MYLK: variants seen among roughly 807,000 people sequenced by gnomAD.
MYLK encodes the protein myosin light chain kinase, also known as myosin light chain kinase, smooth muscle.
MYLK carries 106 observed loss-of-function variants against 203.4 expected under a neutral mutation model. The observed-to-expected ratio is 0.52, with a 90% CI of 0.45 to 0.61. The LOEUF (loss-of-function observed/expected upper bound fraction) is 0.61. Among genes scored for constraint, MYLK ranks in the 20% least tolerant of loss-of-function variants. MYLK has a pLI of 0.00. For missense variants in MYLK, 2,072 were observed against 2,442.3 expected (o/e 0.85, Z 3.20); for synonymous variants, 867 against 959.5 (o/e 0.90, Z 1.78).
chr3:123,857,338 A>T (rs2031489183), intron 2 of MYLK, among the ~76,000 whole-genome samples: 1 of 152,088 alleles, frequency 6.6e-6, no homozygotes, highest in African/African-American at 2.4e-5. Context: ...CTATAAAGAC[A>T]CATGCACACG....
Position 123,708,875 on chromosome 3 carries a change from T to C in MYLK, c.1963A>G (p.Ile655Val), listed in dbSNP as rs763435946. The change falls in exon 15 of 34, where the codon ATC (isoleucine) becomes GTC (valine). Residue 655 changes from isoleucine to valine, a missense_variant. Physicochemically the swap from Ile to Val is conservative, Grantham distance 29. Around this residue, in one of 3 missense-constraint regions of MYLK, gnomAD observed 865 missense variants for 1,016.0 expected, o/e 0.85. Coordinates refer to ENST00000360304, the MANE Select transcript of MYLK (RefSeq NM_053025.4). ...ATCTCATTCCCATTGTGCAGCCAGA[T>C]GACTTCAGGGGGTGGATTCCCTGAA... ...QVSGNPPPEV[I>V]WLHNGNEIQE... is the part of the protein sequence containing the mutation. 6.8e-6 allele frequency: 11 copies of C among 1,614,010 alleles called. No individual in the cohort carries two copies. Among genetic ancestry groups the C allele is most frequent in the Non-Finnish European group, 9.3e-6 (11 of 1,180,006 alleles).
At chr3:123,750,084 G>A (rs2063147668) in intron 5 of MYLK, among the ~76,000 whole-genome samples, 1 of 152,222 alleles carries the variant, frequency 6.6e-6, no homozygotes, top group African/African-American at 2.4e-5. Context: ...GCCTAGGTCT[G>A]TGGGGTGGCC....
intron 3 of MYLK, among the ~76,000 whole-genome samples, chr3:123,813,642 C>T (rs1688021001): frequency 1.3e-5 from 2 of 152,082 alleles, no homozygotes; most frequent in African/African-American, 4.8e-5. Flanking sequence ...TCCCGAGTTG[C>T]TGGGATTACA....
intron 3 of MYLK, among the ~76,000 whole-genome samples, chr3:123,795,469 G>A (rs2064952737): frequency 6.6e-6 from 1 of 152,200 alleles, no homozygotes; most frequent in African/African-American, 2.4e-5. Flanking sequence ...AGCAAGAGAA[G>A]CTAAATCTGG....
Position 123,743,696 on chromosome 3 carries a change from A to C in MYLK, c.374-3695T>G, listed in dbSNP as rs111323043. ...TAGATTTTTCAAAGACAAGTAAAAG[A>C]GAATGCTGGCAGGTCTTAGGATTGG... is the stretch of plus-strand genomic sequence containing the variant. On this transcript the variant is annotated intron_variant, in intron 5 of 33. Transcript: ENST00000360304. Among the ~76,000 whole-genome samples, 35 of 152,300 alleles carry C rather than the reference A, an allele frequency of 2.3e-4. 1 individual carries two copies. Among genetic ancestry groups the C allele is most frequent in the African/African-American group, 7.9e-4 (33 of 41,566 alleles).
chr3:123,805,932 G>T (rs1439841425), intron 3 of MYLK, among the ~76,000 whole-genome samples: 1 of 152,148 alleles, frequency 6.6e-6, no homozygotes, highest in African/African-American at 2.4e-5. Context: ...CATGTAGCAA[G>T]CACTCAAAAA....
rs1258789113 is a variant in MYLK, at chr3:123,738,993, A to T, written c.492T>A (p.Ala164=). ...TGACCACAACTCGGCCCAGCTTGGTAGCAAACTTTGGTGGGCACTCCCCCC... is the reference window on the plus strand; with the variant it reads ...TGACCACAACTCGGCCCAGCTTGGTTGCAAACTTTGGTGGGCACTCCCCCC... The part of the protein sequence containing the change: ...SIWGECPPKF[A]TKLGRVVVKE... Residue 164 remains alanine (A), a synonymous_variant, in exon 7 of 34, where the codon GCT becomes GCA. Transcript: ENST00000360304. 1.2e-6 allele frequency: 2 copies of T among 1,613,690 alleles called. No individual in the cohort carries two copies.
At chr3:123,678,203 T>C (rs2060140656) in intron 20 of MYLK, among the ~76,000 whole-genome samples, 1 of 152,062 alleles carries the variant, frequency 6.6e-6, no homozygotes, top group South Asian at 2.1e-4. Context: ...AGCCTGCAGC[T>C]GTCCTGAGAC....
At chr3:123,841,745 C>A (rs2148649023) in intron 2 of MYLK, among the ~76,000 whole-genome samples, 1 of 152,256 alleles carries the variant, frequency 6.6e-6, no homozygotes, top group South Asian at 2.1e-4. Flanking sequence ...CAATCCAGTT[C>A]TTTTATACAC....
intron 4 of MYLK, among the ~76,000 whole-genome samples, chr3:123,782,763 C>T (rs1324162312): frequency 6.6e-6 from 1 of 152,170 alleles, no homozygotes; most frequent in Non-Finnish European, 1.5e-5. Context: ...AGCCTAAGGC[C>T]TTATTAGTAG....
chr3:123,681,865 C>G, intron 20 of MYLK: 1 of 344,708 alleles, frequency 2.9e-6, no homozygotes, highest in South Asian at 2.8e-5. Flanking sequence ...CAGAAAGAGC[C>G]CCTGGGAGGG....
chr3:123,881,238 G>A (rs922866319), intron 1 of MYLK, among the ~76,000 whole-genome samples: 4 of 152,086 alleles, frequency 2.6e-5, no homozygotes, highest in African/African-American at 7.2e-5. Context: ...ACTGCTGGAC[G>A]GTTCCTTGAT....
chr3:123,686,129 T>G (rs143463780), intron 19 of MYLK, among the ~76,000 whole-genome samples: 2 of 152,194 alleles, frequency 1.3e-5, no homozygotes, highest in Non-Finnish European at 2.9e-5. Flanking sequence ...AATAGTAATA[T>G]AAGTTTAAGA....
At chr3:123,751,895 C>A (rs1181906933) in intron 5 of MYLK, among the ~76,000 whole-genome samples, 1 of 152,104 alleles carries the variant, frequency 6.6e-6, no homozygotes, top group Non-Finnish European at 1.5e-5. Flanking sequence ...TCTTCTTTTA[C>A]AGAAGGAACA....
At chr3:123,634,317 G>A (rs765347032) in intron 29 of MYLK, among the ~76,000 whole-genome samples, 2 of 152,206 alleles carry the variant, frequency 1.3e-5, no homozygotes, top group Admixed American at 6.5e-5. Flanking sequence ...AGAGGGCAGC[G>A]GCAGCCCCAG....
rs1213297212 is a variant in MYLK at position 123,752,359 on chromosome 3, G to T, written c.345C>A (p.Arg115=). 6.2e-7 allele frequency: 1 copy of T among 1,614,120 alleles called. No homozygotes were observed. The highest frequency in any genetic ancestry group is 8.5e-7 in the Non-Finnish European group (1 of 1,180,042). The change falls in exon 5 of 34, where the codon CGC becomes CGA. Residue 115 remains arginine (R), a synonymous_variant. Transcript: ENST00000360304. ...TCEATNGSGA[R]QVTVELTVEG... ...CTACTGTCAACTCCACTGTCACCTG[G>T]CGAGCACCACTGCCATTGGTGGCTT...
chr3:123,877,799 T>C (rs2033261237), intron 1 of MYLK, among the ~76,000 whole-genome samples: 1 of 152,194 alleles, frequency 6.6e-6, no homozygotes, highest in South Asian at 2.1e-4. Context: ...TTGACACTAA[T>C]AGGAAAATAC....
At chr3:123,879,696 G>A (rs1040353909) in intron 1 of MYLK, among the ~76,000 whole-genome samples, 5 of 152,126 alleles carry the variant, frequency 3.3e-5, no homozygotes, top group South Asian at 2.1e-4. Flanking sequence ...GTGCAGTGGC[G>A]CCATCTTGGC....
chr3:123,868,013 A>G (rs1006887639), intron 2 of MYLK, among the ~76,000 whole-genome samples: 4 of 152,248 alleles, frequency 2.6e-5, no homozygotes, highest in Non-Finnish European at 5.9e-5. Context: ...GTCTTGCTGT[A>G]GGCACAACCT....
Sources: gnomAD v4.1 joint callset for allele counts (sites outside exome capture counted in the v4.1 genomes callset) on GRCh38, gnomAD v4.1.1 for gene constraint, gnomAD v4.1.1 regional missense constraint, MANE v1.5 for transcripts, NCBI Gene and HGNC (gene_info 2026-07-23, HGNC 2026-07-21) for gene names.